ZNHIT6: variants seen among roughly 807,000 people sequenced by gnomAD.
ZNHIT6 encodes the protein box C/D snoRNA protein 1.
A neutral mutation model predicts 57.2 loss-of-function variants in ZNHIT6; 45 were observed. That is an observed-to-expected ratio of 0.79 (90% confidence interval 0.62 to 1.01). The LOEUF (loss-of-function observed/expected upper bound fraction) is 1.01. ZNHIT6 is among the 50% of genes least tolerant of loss of function. The pLI, the probability that ZNHIT6 is intolerant of heterozygous loss-of-function variation, is 0.00. For synonymous variants in ZNHIT6, 188 were observed against 190.0 expected (o/e 0.99, Z 0.09); for missense variants, 528 against 567.3 (o/e 0.93, Z 0.70).
Position 85,649,981 on chromosome 1 carries a change from T to C in ZNHIT6, c.*4077A>G, listed in dbSNP as rs1054419346. 2 of 152,244 alleles carry C rather than the reference T, an allele frequency of 1.3e-5. No individual in the cohort carries two copies. The highest frequency in any genetic ancestry group is 2.9e-5 in the Non-Finnish European group (2 of 68,046). The allele number at this position is 152,244 out of a possible 1,614,324, so 9.4% of individuals were successfully genotyped here. A position where few individuals can be genotyped will look rare whatever the true frequency, so the allele number is the denominator to read the frequency against. On this transcript the variant is annotated 3_prime_UTR_variant, in exon 10 of 10. Coordinates refer to ENST00000370574, the MANE Select transcript of ZNHIT6 (RefSeq NM_017953.4). ...TAAATCTGAACTTTACTCCTTCTGTTAGTACAAATCAGAAACTTCTTGCTA... is the reference window on the plus strand; with the variant it reads ...TAAATCTGAACTTTACTCCTTCTGTCAGTACAAATCAGAAACTTCTTGCTA...
intron 5 of ZNHIT6, among the ~76,000 whole-genome samples, chr1:85,693,824 A>G (rs541894872): frequency 6.6e-6 from 1 of 152,320 alleles, no homozygotes; most frequent in Non-Finnish European, 1.5e-5. Flanking sequence ...AAGCTAAACT[A>G]TCATTCAAAA....
At position 85,707,589 on chromosome 1, in the gene ZNHIT6, C is replaced by T. The variant is rs769075774; in HGVS notation, c.656+40G>A. The T allele has an allele frequency of 5.3e-6, 8 of 1,518,090 alleles. No homozygotes were observed. The Admixed American group carries it at 1.8e-4, about 34-fold the overall frequency. The allele number at this position is 1,518,090 out of a possible 1,614,324, so 94.0% of individuals were successfully genotyped here. On this transcript the variant is annotated intron_variant, in intron 1 of 9. Transcript: ENST00000370574. ...TCCTTCACTCTAGACATGAGGACTC[C>T]ACAGCTTTATTCCCCTAAATGGAAT...
intron 5 of ZNHIT6, among the ~76,000 whole-genome samples, chr1:85,696,968 C>G (rs1662390204): frequency 6.7e-6 from 1 of 150,372 alleles, no homozygotes; most frequent in East Asian, 2.0e-4. Flanking sequence ...TCACGCCATT[C>G]TCCTGCCTCA....
chr1:85,654,056 G>C lies in ZNHIT6; in HGVS notation c.*2C>G. On this transcript the variant is annotated 3_prime_UTR_variant, in exon 10 of 10. Transcript: ENST00000370574. ...TTCACTTTCTTCTTCCAGAAAAAAT[G>C]CTCAATTTTCATTGCCAACGTTCTT... is the stretch of plus-strand genomic sequence containing the variant. 2 of 1,611,532 alleles carry C rather than the reference G, an allele frequency of 1.2e-6. No homozygotes were observed. Among genetic ancestry groups the C allele is most frequent in the South Asian group, 1.1e-5 (1 of 90,594 alleles).
At chr1:85,680,375 A>G (rs1370467148) in intron 6 of ZNHIT6, among the ~76,000 whole-genome samples, 1 of 151,914 alleles carries the variant, frequency 6.6e-6, no homozygotes, top group Non-Finnish European at 1.5e-5. Flanking sequence ...TGCATGGTAG[A>G]ATTTTGGGTC....
rs1660845212 is a variant in ZNHIT6 at position 85,649,450 on chromosome 1, A to G, written c.*4608T>C. 2 of 152,200 alleles carry G rather than the reference A, an allele frequency of 1.3e-5. No homozygotes were observed. The highest frequency in any genetic ancestry group is 1.3e-4 in the Admixed American group (2 of 15,282). The allele number at this position is 152,200 out of a possible 1,614,324, so 9.4% of individuals were successfully genotyped here. Reference sequence around the variant, plus strand: ...AGCTTTGGTACTTTATTTGGCAAGAAAATAAAACTGGAAATAGAATTATAT... The same window carrying G: ...AGCTTTGGTACTTTATTTGGCAAGAGAATAAAACTGGAAATAGAATTATAT... On this transcript the variant is annotated 3_prime_UTR_variant, in exon 10 of 10. Coordinates refer to ENST00000370574, the MANE Select transcript of ZNHIT6 (RefSeq NM_017953.4).
rs757004216 is a variant in ZNHIT6 at position 85,680,800 on chromosome 1, TA to T, written c.1088+35del. 3.3e-6 allele frequency: 5 copies of T among 1,530,122 alleles called. No individual in the cohort carries two copies. The African/African-American group carries it at 5.5e-5, about 17-fold the overall frequency. The allele number at this position is 1,530,122 out of a possible 1,614,324, so 94.8% of individuals were successfully genotyped here. A position where few individuals can be genotyped will look rare whatever the true frequency, so the allele number is the denominator to read the frequency against. ...TATTTTAAATACACAGCCTTCAAAT[TA>T]AAACAAATCAGTGATTGAAAGATAG... On this transcript the variant is annotated intron_variant, in intron 6 of 9. Coordinates refer to ENST00000370574, the MANE Select transcript of ZNHIT6 (RefSeq NM_017953.4).
chr1:85,669,135 A>T (rs1417403456), intron 8 of ZNHIT6, among the ~76,000 whole-genome samples: 1 of 152,194 alleles, frequency 6.6e-6, no homozygotes, highest in South Asian at 2.1e-4. Context: ...TCTGAAAAGA[A>T]ATACAGGTTA....
At chr1:85,680,989 G>A (rs3767162) in intron 5 of ZNHIT6, 85 bp from the exon 6 acceptor site, 443,332 of 953,908 alleles carry the variant, frequency 0.46, 105,540 homozygotes, top group South Asian at 0.57. Context: ...TTCACTTTAA[G>A]ATAATTCCAA....
intron 5 of ZNHIT6, among the ~76,000 whole-genome samples, chr1:85,687,255 G>C (rs183841704): frequency 1.9e-5 from 2 of 103,252 alleles, no homozygotes; most frequent in Admixed American, 2.6e-4. Context: ...ACTCTAGCCT[G>C]GGTGACAAGA....
At chr1:85,704,790 A>T (rs141142136) in intron 4 of ZNHIT6, among the ~76,000 whole-genome samples, 10 of 152,328 alleles carry the variant, frequency 6.6e-5, no homozygotes, top group African/African-American at 2.4e-4. Flanking sequence ...AAAATTCTGC[A>T]ACTCCAATAC....
chr1:85,684,020 A>G (rs933980344), intron 5 of ZNHIT6, among the ~76,000 whole-genome samples: 1 of 152,174 alleles, frequency 6.6e-6, no homozygotes, highest in African/African-American at 2.4e-5. Flanking sequence ...ACAAGGATAA[A>G]GGTTTGAACA....
intron 5 of ZNHIT6, among the ~76,000 whole-genome samples, chr1:85,688,701 G>A (rs942166093): frequency 6.6e-6 from 1 of 152,154 alleles, no homozygotes; most frequent in Non-Finnish European, 1.5e-5. Flanking sequence ...TACGTAGGCA[G>A]CCTAATCATG....
intron 5 of ZNHIT6, among the ~76,000 whole-genome samples, chr1:85,686,105 G>A (rs149029891): frequency 6.6e-6 from 1 of 152,006 alleles, no homozygotes; most frequent in African/African-American, 2.4e-5. Context: ...GGGACTACAG[G>A]TGCCCGCCAC....
rs190588747 is a variant in ZNHIT6 at position 85,650,984 on chromosome 1, A to C, written c.*3074T>G. On this transcript the variant is annotated 3_prime_UTR_variant, in exon 10 of 10. Transcript: ENST00000370574. Reference sequence around the variant, plus strand: ...TTTTGGTAGGAACAAACTATATTCAAACCATAACAGTATATGATTAAATAA... The same window carrying C: ...TTTTGGTAGGAACAAACTATATTCACACCATAACAGTATATGATTAAATAA... The C allele has an allele frequency of 4.3e-4, 65 of 152,326 alleles. No homozygotes were observed. The highest frequency in any genetic ancestry group is 1.5e-3 in the African/African-American group (62 of 41,580). 9.4% of individuals were successfully genotyped at this position (152,326 alleles called of 1,614,324 possible). A position where few individuals can be genotyped will look rare whatever the true frequency, so the allele number is the denominator to read the frequency against.
At chr1:85,655,536 A>C (rs1485121337) in intron 9 of ZNHIT6, among the ~76,000 whole-genome samples, 2 of 152,188 alleles carry the variant, frequency 1.3e-5, no homozygotes, top group Non-Finnish European at 2.9e-5. Context: ...ATTAATAAAG[A>C]TTTTTAGCAG....
chr1:85,665,305 T>G (rs1661339987), intron 8 of ZNHIT6, among the ~76,000 whole-genome samples: 1 of 151,862 alleles, frequency 6.6e-6, no homozygotes, highest in Non-Finnish European at 1.5e-5. Context: ...TATTTTTTTT[T>G]GTAGAGACAG....
rs775019171 is a variant in ZNHIT6 at position 85,677,221 on chromosome 1, G to C, written c.1247+15C>G. On this transcript the variant is annotated intron_variant, in intron 8 of 9. Coordinates refer to ENST00000370574, the MANE Select transcript of ZNHIT6 (RefSeq NM_017953.4). ...TAAAAAATATTTAAAGAAATGGGGA[G>C]GGGAGCAATTTTACCTTACTAAATT... 6.4e-7 allele frequency: 1 copy of C among 1,571,160 alleles called. No homozygotes were observed. Among genetic ancestry groups the C allele is most frequent in the Non-Finnish European group, 8.6e-7 (1 of 1,162,752 alleles).
chr1:85,707,457 T>C (rs1662717773), intron 1 of ZNHIT6, among the ~76,000 whole-genome samples, 172 bp downstream of exon 1: 1 of 152,154 alleles, frequency 6.6e-6, no homozygotes, highest in Non-Finnish European at 1.5e-5. Context: ...TGTTGTCATG[T>C]ACAACACCCT....
Sources: gnomAD v4.1 joint callset for allele counts (sites outside exome capture counted in the v4.1 genomes callset) on GRCh38, gnomAD v4.1.1 for gene constraint, MANE v1.5 for transcripts, NCBI Gene and HGNC (gene_info 2026-07-23, HGNC 2026-07-21) for gene names.